SLC5A1: variants seen among roughly 807,000 people sequenced by gnomAD.
The protein encoded by SLC5A1 is solute carrier family 5 member 1.
Under a neutral mutation model 73.5 loss-of-function variants are expected in SLC5A1, and 42 were observed. That is an observed-to-expected ratio of 0.57 (90% CI 0.45 to 0.74). SLC5A1 has a LOEUF of 0.74. Among genes scored for constraint, SLC5A1 ranks in the 30% least tolerant of loss-of-function variants. The pLI is 0.00. For synonymous variants in SLC5A1, 300 were observed against 317.4 expected (o/e 0.95, Z 0.58); for missense variants, 634 against 855.4 (o/e 0.74, Z 3.23).
chr22:32,067,982 G>A lies in SLC5A1; in HGVS notation c.328G>A (p.Val110Ile), dbSNP rs2093976744. 6.2e-7 allele frequency: 1 copy of A among 1,614,156 alleles called. No individual in the cohort carries two copies. Among genetic ancestry groups the A allele is most frequent in the Non-Finnish European group, 8.5e-7 (1 of 1,180,026 alleles). The change falls in exon 4 of 15, where the codon GTT (valine) becomes ATT (isoleucine). Residue 110 changes from valine to isoleucine, a missense_variant. By Grantham distance (29) the Val-to-Ile change is conservative. Around this residue, in one of 3 missense-constraint regions of SLC5A1, gnomAD observed 422 missense variants for 626.1 expected, o/e 0.67. Coordinates refer to ENST00000266088, the MANE Select transcript of SLC5A1 (RefSeq NM_000343.4). ...TTCATTTCAGGCCCTGGTTTTGGTG[G>A]TTGTGCTGGGCTGGCTGTTTGTCCC... ...GFEWNALVLVVVLGWLFVPIY... is the reference protein window; with the variant it reads ...GFEWNALVLVIVLGWLFVPIY...
At chr22:32,079,445 C>T (rs779974208) in intron 5 of SLC5A1, among the ~76,000 whole-genome samples, 4 of 152,208 alleles carry the variant, frequency 2.6e-5, no homozygotes, top group Non-Finnish European at 4.4e-5. Context: ...ATTAGCCCAA[C>T]ACTTTTCAGA....
At position 32,066,516 on chromosome 22, in the gene SLC5A1, C is replaced by A. The variant is rs148618338; in HGVS notation, c.208-419C>A. 8.5e-4 allele frequency among the ~76,000 whole-genome samples: 129 copies of A among 152,266 alleles called. 1 individual carries two copies. Among genetic ancestry groups the A allele is most frequent in the African/African-American group, 3.0e-3 (124 of 41,562 alleles). On this transcript the variant is annotated intron_variant, in intron 2 of 14. Coordinates refer to ENST00000266088, the MANE Select transcript of SLC5A1 (RefSeq NM_000343.4). ...AAAATTGTCAGTGTTTACTGAGAGC[C>A]TGTATTGGGCAAGACCCTAAGCCAC...
At chr22:32,089,133 AT>A (rs2094012881) in intron 10 of SLC5A1, among the ~76,000 whole-genome samples, 1 of 152,234 alleles carries the variant, frequency 6.6e-6, no homozygotes, top group Non-Finnish European at 1.5e-5. Context: ...TCCTGAACGA[AT>A]GGCAGAGCTA....
At chr22:32,100,331 T>A (rs2094034154) in intron 12 of SLC5A1, among the ~76,000 whole-genome samples, 1 of 152,206 alleles carries the variant, frequency 6.6e-6, no homozygotes, top group South Asian at 2.1e-4. Flanking sequence ...GCCCTTTTTC[T>A]CTTGCCTAAC....
chr22:32,056,612 T>C lies in SLC5A1; in HGVS notation c.207+6598T>C, dbSNP rs79467249. 3.3e-3 allele frequency among the ~76,000 whole-genome samples: 509 copies of C among 152,256 alleles called. 5 individuals are homozygous for C. Among genetic ancestry groups the C allele is most frequent in the African/African-American group, 0.012 (488 of 41,536 alleles). ...AAGTTTAAGGACCACTATTGGAGGA[T>C]ATCCCAAGGGAGGAGTCCAGCACAG... On this transcript the variant is annotated intron_variant, in intron 2 of 14. Coordinates refer to ENST00000266088, the MANE Select transcript of SLC5A1 (RefSeq NM_000343.4).
intron 9 of SLC5A1, among the ~76,000 whole-genome samples, chr22:32,085,256 G>A (rs1245053311): frequency 1.3e-5 from 2 of 151,882 alleles, no homozygotes; most frequent in Non-Finnish European, 2.9e-5. Context: ...TGAGCAGCTG[G>A]GACTACAGGT....
At chr22:32,083,686 TTTAC>T (rs963994815) in intron 7 of SLC5A1, among the ~76,000 whole-genome samples, 11 of 152,020 alleles carry the variant, frequency 7.2e-5, no homozygotes, top group Non-Finnish European at 1.6e-4. Flanking sequence ...TTTTTGCAAT[TTTAC>T]TTGTCTATGA....
Position 32,102,110 on chromosome 22 carries a change from A to C in SLC5A1, c.1538A>C (p.Glu513Ala), listed in dbSNP as rs1207459126. Reference protein sequence around the residue: ...EFAYGTGSCMEPSNCPTIICG... With the variant: ...EFAYGTGSCMAPSNCPTIICG... ...GCTTATGGAACCGGGAGCTGCATGG[A>C]GCCCAGCAACTGTCCCACGATTATC... Residue 513 changes from glutamate to alanine, a missense_variant, in exon 13 of 15, where the codon GAG (glutamate) becomes GCG (alanine). Glu to Ala is a moderately radical substitution (Grantham distance 107). Around this residue, in one of 3 missense-constraint regions of SLC5A1, gnomAD observed 422 missense variants for 626.1 expected, o/e 0.67. Coordinates refer to ENST00000266088, the MANE Select transcript of SLC5A1 (RefSeq NM_000343.4). 2 of 1,613,966 alleles carry C rather than the reference A, an allele frequency of 1.2e-6. No homozygotes were observed.
At position 32,091,654 on chromosome 22, in the gene SLC5A1, T is replaced by C. The variant is rs2094017860; in HGVS notation, c.1172T>C (p.Met391Thr). The C allele has an allele frequency of 6.2e-7, 1 of 1,614,128 alleles. No homozygotes were observed. The highest frequency in any genetic ancestry group is 8.5e-7 in the Non-Finnish European group (1 of 1,180,000). Residue 391 changes from methionine (M) to threonine (T), a missense_variant, in exon 11 of 15, where the codon ATG (methionine) becomes ACG (threonine). Coordinates refer to ENST00000266088, the MANE Select transcript of SLC5A1 (RefSeq NM_000343.4). ...LMLSVMLASL[M>T]SSLTSIFNSA... is the part of the protein sequence containing the mutation. Reference sequence around the variant, plus strand: ...CTATCAGTCATGCTGGCCTCCCTCATGAGCTCCCTGACCTCCATCTTCAAC... The same window carrying C: ...CTATCAGTCATGCTGGCCTCCCTCACGAGCTCCCTGACCTCCATCTTCAAC...
intron 9 of SLC5A1, 131 bp from the exon 10 acceptor site, chr22:32,086,089 C>T (rs144373165): frequency 0.047 from 31,509 of 672,690 alleles, 940 homozygotes; most frequent in Non-Finnish European, 0.063. Flanking sequence ...TGCAGTGAGC[C>T]GAGATCGTGC....
At chr22:32,070,935 T>C (rs2093982003) in intron 5 of SLC5A1, among the ~76,000 whole-genome samples, 1 of 152,150 alleles carries the variant, frequency 6.6e-6, no homozygotes, top group African/African-American at 2.4e-5. Flanking sequence ...AGAAAGAAAA[T>C]AGGACTTTAG....
chr22:32,056,025 G>T (rs998246899), intron 2 of SLC5A1, among the ~76,000 whole-genome samples: 17 of 152,138 alleles, frequency 1.1e-4, no homozygotes, highest in South Asian at 2.1e-4. Flanking sequence ...TATGTTTTTT[G>T]TTGTTGTTGT....
Position 32,087,333 on chromosome 22 carries a change from ACAT to A in SLC5A1, c.1129+1010_1129+1012del, listed in dbSNP as rs551347247. On this transcript the variant is annotated intron_variant, in intron 10 of 14. Coordinates refer to ENST00000266088, the MANE Select transcript of SLC5A1 (RefSeq NM_000343.4). ...TGAGCTAATGTATAGATATTTCAAG[ACAT>A]CATATTATATACCCTCAATATACAT... Among the ~76,000 whole-genome samples, 415 of 152,320 alleles carry A rather than the reference ACAT, an allele frequency of 2.7e-3. 1 individual carries two copies. The highest frequency in any genetic ancestry group is 9.5e-3 in the African/African-American group (395 of 41,562).
chr22:32,060,142 C>CACACATATATAT (rs1555962094), intron 2 of SLC5A1, among the ~76,000 whole-genome samples: 69 of 18,558 alleles, frequency 3.7e-3, no homozygotes, highest in African/African-American at 6.7e-3. Context: ...TATATATACA[C>CACACATATATAT]ATACACACAC....
At chr22:32,081,834 C>A in intron 5 of SLC5A1, 32 bp from the exon 6 acceptor site, 1 of 1,434,578 alleles carries the variant, frequency 7.0e-7, no homozygotes, top group South Asian at 1.1e-5. Flanking sequence ...TGACCACTCT[C>A]CCTCCTAACT....
chr22:32,104,739 A>G, intron 13 of SLC5A1, 47 bp from the exon 14 acceptor site: 1 of 1,498,926 alleles, frequency 6.7e-7, no homozygotes, highest in Non-Finnish European at 9.3e-7. Flanking sequence ...TCTTGTCCCA[A>G]GATGCTATTT....
intron 2 of SLC5A1, among the ~76,000 whole-genome samples, chr22:32,060,199 A>C (rs12158314): frequency 7.3e-6 from 1 of 136,560 alleles, no homozygotes; most frequent in Non-Finnish European, 1.6e-5. Flanking sequence ...ATATATATAT[A>C]TTTTTTTAAG....
intron 1 of SLC5A1, among the ~76,000 whole-genome samples, chr22:32,048,765 C>G (rs1219929478): frequency 1.3e-5 from 2 of 152,096 alleles, no homozygotes; most frequent in Admixed American, 6.6e-5. Flanking sequence ...TTCCTCTATA[C>G]TAACACAATA....
intron 14 of SLC5A1, 44 bp downstream of exon 14, chr22:32,104,935 C>G (rs748008129): frequency 3.8e-6 from 5 of 1,316,036 alleles, no homozygotes; most frequent in South Asian, 1.2e-5. Context: ...AAAAGTTACT[C>G]CTACAACAAC....
Sources: allele counts gnomAD v4.1 joint callset (sites outside exome capture counted in the v4.1 genomes callset), GRCh38; gene constraint gnomAD v4.1.1; regional missense constraint gnomAD v4.1.1; transcripts MANE v1.5; gene names NCBI Gene and HGNC (gene_info 2026-07-23, HGNC 2026-07-21).